Variants in LARP6 observed in about 807,000 individuals in gnomAD.
LARP6 encodes the protein La ribonucleoprotein 6, translational regulator, also known as la-related protein 6.
In LARP6, 18 loss-of-function variants were observed where a neutral mutation model predicts 32.8. The ratio of observed to expected loss-of-function variants is 0.55; its 90% CI spans 0.38 to 0.81. LARP6 has a LOEUF of 0.81. Ranked by LOEUF, LARP6 falls within the 40% of genes least tolerant of loss-of-function variation. The pLI is 0.00. For synonymous variants in LARP6, 289 were observed against 267.2 expected (o/e 1.08, Z -0.80); for missense variants, 598 against 663.1 (o/e 0.90, Z 1.08).
Position 70,832,398 on chromosome 15 carries a change from G to A in LARP6, c.1130C>T (p.Pro377Leu), listed in dbSNP as rs2032062180. The A allele has an allele frequency of 3.1e-6, 5 of 1,605,456 alleles. No individual in the cohort carries two copies. The highest frequency in any genetic ancestry group is 1.7e-4 in the Middle Eastern group (1 of 5,992). Residue 377 changes from proline (P) to leucine (L), a missense_variant, in exon 3 of 3, where the codon CCG becomes CTG. Coordinates refer to ENST00000299213, the MANE Select transcript of LARP6 (RefSeq NM_018357.4). ...QNLFLSPNAS[P>L]CTSPWSSPLA... is the part of the protein sequence containing the mutation. ...GGGGCTGCTCCAAGGACTTGTGCAC[G>A]GGGAGGCATTTGGACTCAGAAAGAG...
chr15:70,832,495 T>G lies in LARP6; in HGVS notation c.1033A>C (p.Asn345His). ...CGGCCCGCCATAGGGGATGTGGGGT[T>G]GCTCTCGGGGTCAGAGGAGCTGTTG... is the stretch of plus-strand genomic sequence containing the variant. Reference protein sequence around the residue: ...SANSSSDPESNPTSPMAGRRH... With the variant: ...SANSSSDPESHPTSPMAGRRH... The change falls in exon 3 of 3, where the codon AAC becomes CAC. Residue 345 changes from asparagine to histidine, a missense_variant. Physicochemically the swap from Asn to His is moderately conservative, Grantham distance 68. This residue lies in a region of LARP6 where 368 missense variants were observed against 397.9 expected (regional missense o/e 0.92). Transcript: ENST00000299213. 1 of 1,544,924 alleles carries G rather than the reference T, an allele frequency of 6.5e-7. No homozygotes were observed. The highest frequency in any genetic ancestry group is 2.1e-5 in the Admixed American group (1 of 48,756).
rs962178821 is a variant in LARP6, at chr15:70,830,457, C to CT, written c.*1594dup. On this transcript the variant is annotated 3_prime_UTR_variant, in exon 3 of 3. Coordinates refer to ENST00000299213, the MANE Select transcript of LARP6 (RefSeq NM_018357.4). ...ATATTAGCACCTTTTATGGTGGATT[C>CT]TTTTTTGAATATGGATAGTAAAGAT... is the stretch of plus-strand genomic sequence containing the variant. 6.6e-5 allele frequency: 10 copies of CT among 152,148 alleles called. No individual in the cohort carries two copies. The highest frequency in any genetic ancestry group is 1.3e-4 in the Non-Finnish European group (9 of 68,026). 9.4% of individuals were successfully genotyped at this position (152,148 alleles called of 1,614,324 possible). A position where few individuals can be genotyped will look rare whatever the true frequency, so the allele number is the denominator to read the frequency against.
rs751240441 is a variant in LARP6 at position 70,832,275 on chromosome 15, T to G, written c.1253A>C (p.Asp418Ala). Residue 418 changes from aspartate to alanine, a missense_variant, in exon 3 of 3, where the codon GAT (aspartate) becomes GCT (alanine). Asp to Ala is a moderately radical substitution (Grantham distance 126). This residue lies in a region of LARP6 where 368 missense variants were observed against 397.9 expected (regional missense o/e 0.92). Coordinates refer to ENST00000299213, the MANE Select transcript of LARP6 (RefSeq NM_018357.4). ...TSPEIFRKCM[D>A]YSSDSSVTPS... ...AGTGACGCTGCTGTCAGAGGAATAA[T>G]CCATACACTTGCGGAAGATCTCAGG... is the stretch of plus-strand genomic sequence containing the variant. 2 of 1,614,194 alleles carry G rather than the reference T, an allele frequency of 1.2e-6. No individual in the cohort carries two copies. Among genetic ancestry groups the G allele is most frequent in the Non-Finnish European group, 1.7e-6 (2 of 1,180,034 alleles).
rs989634284 is a variant in LARP6, at chr15:70,830,064, G to C, written c.*1988C>G. The C allele has an allele frequency of 6.6e-6, 1 of 152,410 alleles. No homozygotes were observed. The highest frequency in any genetic ancestry group is 2.4e-5 in the African/African-American group (1 of 41,458). 9.4% of individuals were successfully genotyped at this position (152,410 alleles called of 1,614,324 possible). A position where few individuals can be genotyped will look rare whatever the true frequency, so the allele number is the denominator to read the frequency against. ...GAAGCATAGGGCGGGGCTGGAGGGGGCCCTGACATTGCCCAAGGTCAGGAG... is the reference window on the plus strand; with the variant it reads ...GAAGCATAGGGCGGGGCTGGAGGGGCCCCTGACATTGCCCAAGGTCAGGAG... On this transcript the variant is annotated 3_prime_UTR_variant, in exon 3 of 3. Coordinates refer to ENST00000299213, the MANE Select transcript of LARP6 (RefSeq NM_018357.4).
At chr15:70,836,212 A>G (rs1349512448) in intron 2 of LARP6, 83 bp downstream of exon 2, 4 of 1,149,464 alleles carry the variant, frequency 3.5e-6, no homozygotes, top group African/African-American at 1.5e-5. Context: ...ATCAGGTTTC[A>G]AGGGAGTTAA....
In LARP6 at chr15:70,832,451, G is replaced by T. The variant is rs755592693; in HGVS notation, c.1077C>A (p.Asn359Lys). 2.1e-5 allele frequency: 33 copies of T among 1,560,798 alleles called. No homozygotes were observed. In the South Asian group the frequency reaches 3.7e-4, roughly 18 times the overall value. The change falls in exon 3 of 3, where the codon AAC becomes AAA. Residue 359 changes from asparagine to lysine, a missense_variant. Transcript: ENST00000299213. The part of the protein sequence containing the change: ...PMAGRRHAAT[N>K]KLSPSGHQNL... ...TCTGGTGGCCAGACGGGCTGAGCTTGTTGGTGGCCGCGTGCCGTCGGCCCG... is the reference window on the plus strand; with the variant it reads ...TCTGGTGGCCAGACGGGCTGAGCTTTTTGGTGGCCGCGTGCCGTCGGCCCG...
At chr15:70,845,833 G>A (rs2032335995) in intron 1 of LARP6, among the ~76,000 whole-genome samples, 1 of 152,266 alleles carries the variant, frequency 6.6e-6, no homozygotes, top group Non-Finnish European at 1.5e-5. Context: ...ACATGAGGGT[G>A]AGCAGGCAGG....
At chr15:70,840,892 G>A (rs2032241553) in intron 1 of LARP6, among the ~76,000 whole-genome samples, 1 of 149,330 alleles carries the variant, frequency 6.7e-6, no homozygotes, top group Admixed American at 6.8e-5. Context: ...AAGGAAGGCA[G>A]TATAATTTCT....
At chr15:70,838,912 C>CACACAA (rs10634375) in intron 1 of LARP6, among the ~76,000 whole-genome samples, 3 of 102,902 alleles carry the variant, frequency 2.9e-5, no homozygotes, top group Admixed American at 9.1e-5. Flanking sequence ...CTCAGCCTCA[C>CACACAA]AAAAAAAAAA....
At chr15:70,849,344 C>CAAGA (rs2032405528) in intron 1 of LARP6, 1 of 157,310 alleles carries the variant, frequency 6.4e-6, no homozygotes, top group Non-Finnish European at 1.4e-5. Flanking sequence ...GCGACAAGAG[C>CAAGA]AAGACCCTGT....
intron 1 of LARP6, among the ~76,000 whole-genome samples, chr15:70,838,984 G>GA (rs1299976933): frequency 2.7e-5 from 4 of 150,432 alleles, no homozygotes; most frequent in African/African-American, 9.7e-5. Flanking sequence ...TGGCAAGAGA[G>GA]AAAAAAGCAA....
chr15:70,837,103 C>T (rs1010893657), intron 1 of LARP6, among the ~76,000 whole-genome samples: 2 of 152,058 alleles, frequency 1.3e-5, no homozygotes, highest in African/African-American at 4.8e-5. Flanking sequence ...GGCCAGGCAT[C>T]GTGGCTCCCA....
intron 1 of LARP6, among the ~76,000 whole-genome samples, chr15:70,840,046 C>A (rs779020324): frequency 6.6e-6 from 1 of 152,158 alleles, no homozygotes; most frequent in Admixed American, 6.5e-5. Context: ...TTGTTTAATT[C>A]ACTTGTTGGG....
intron 1 of LARP6, among the ~76,000 whole-genome samples, chr15:70,837,952 G>C (rs1324999094): frequency 1.3e-5 from 2 of 152,152 alleles, no homozygotes; most frequent in Non-Finnish European, 2.9e-5. Context: ...CTCAAGGATG[G>C]GACCCGAGTC....
chr15:70,836,218 G>T, intron 2 of LARP6, 77 bp downstream of exon 2: 2 of 1,248,874 alleles, frequency 1.6e-6, no homozygotes, highest in South Asian at 1.2e-5. Context: ...TTTCAAGGGA[G>T]TTAAAAAAAA....
At chr15:70,837,989 A>G (rs897930868) in intron 1 of LARP6, among the ~76,000 whole-genome samples, 1 of 152,202 alleles carries the variant, frequency 6.6e-6, no homozygotes, top group Non-Finnish European at 1.5e-5. Flanking sequence ...TATGTTTCAT[A>G]TACACCTTAT....
At chr15:70,844,252 C>A (rs11072222) in intron 1 of LARP6, among the ~76,000 whole-genome samples, 1 of 152,130 alleles carries the variant, frequency 6.6e-6, no homozygotes, top group East Asian at 1.9e-4. Context: ...CCACCATGCC[C>A]GGCCCTATTT....
chr15:70,833,583 C>T (rs2032094961), intron 2 of LARP6, among the ~76,000 whole-genome samples: 1 of 152,164 alleles, frequency 6.6e-6, no homozygotes, highest in South Asian at 2.1e-4. Flanking sequence ...TATACATGTA[C>T]ATATGTATGT....
At chr15:70,847,222 T>C (rs1446559949) in intron 1 of LARP6, among the ~76,000 whole-genome samples, 1 of 152,196 alleles carries the variant, frequency 6.6e-6, no homozygotes, top group Non-Finnish European at 1.5e-5. Flanking sequence ...GTTTTACACT[T>C]AAGGTTTTGC....
Sources: allele counts gnomAD v4.1 joint callset (sites outside exome capture counted in the v4.1 genomes callset), GRCh38; gene constraint gnomAD v4.1.1; regional missense constraint gnomAD v4.1.1; transcripts MANE v1.5; gene names NCBI Gene and HGNC (gene_info 2026-07-23, HGNC 2026-07-21).